LHX4: variants seen among roughly 807,000 people sequenced by gnomAD.
LHX4 encodes LIM homeobox 4, also known as LIM/homeobox protein Lhx4.
Under a neutral mutation model 39.2 loss-of-function variants are expected in LHX4, and 16 were observed. That is an observed-to-expected ratio of 0.41 (90% CI 0.28 to 0.62). LHX4 has a LOEUF of 0.62. LHX4 is among the 20% of genes least tolerant of loss of function. The probability of loss-of-function intolerance (pLI) is 0.33; values close to 1 mark genes in which losing one functional copy is unlikely to be tolerated. For missense variants in LHX4, 439 were observed against 511.9 expected, an observed-to-expected ratio of 0.86 and a Z score of 1.37; for synonymous variants, 206 against 198.1, an observed-to-expected ratio of 1.04 and a Z score of -0.33.
chr1:180,251,135 C>A (rs1321797971), intron 2 of LHX4, among the ~76,000 whole-genome samples: 1 of 152,252 alleles, frequency 6.6e-6, no homozygotes, highest in Non-Finnish European at 1.5e-5. Context: ...ACAGCCCAGG[C>A]CAGGGCCTGC....
chr1:180,258,533 G>T (rs1319473211), intron 2 of LHX4, among the ~76,000 whole-genome samples: 1 of 152,210 alleles, frequency 6.6e-6, no homozygotes, highest in African/African-American at 2.4e-5. Flanking sequence ...TGCCTGTAGG[G>T]GCATGGGCGG....
chr1:180,255,702 A>G (rs376671125), intron 2 of LHX4, among the ~76,000 whole-genome samples: 5 of 152,336 alleles, frequency 3.3e-5, no homozygotes, highest in South Asian at 4.1e-4. Context: ...GCTGTAAATC[A>G]GGAGGTGATG....
chr1:180,274,281 T>A lies in LHX4; in HGVS notation c.875T>A (p.Met292Lys), dbSNP rs780636436. ...GGQLMNGSFSMDGTGQSYQDL... is the reference protein window; with the variant it reads ...GGQLMNGSFSKDGTGQSYQDL... ...CAGTTAATGAATGGGAGCTTCTCCATGGACGGGACAGGACAATCCTATCAG... is the reference window on the plus strand; with the variant it reads ...CAGTTAATGAATGGGAGCTTCTCCAAGGACGGGACAGGACAATCCTATCAG... The change falls in exon 6 of 6, where the codon ATG (methionine) becomes AAG (lysine). Residue 292 changes from methionine (M) to lysine (K), a missense_variant. By Grantham distance (95) the Met-to-Lys change is moderately conservative. Coordinates refer to ENST00000263726, the MANE Select transcript of LHX4 (RefSeq NM_033343.4). 1.6e-5 allele frequency: 26 copies of A among 1,614,110 alleles called. No homozygotes were observed. The highest frequency in any genetic ancestry group is 2.2e-5 in the Non-Finnish European group (26 of 1,180,046).
chr1:180,241,804 G>GT (rs200045928), intron 1 of LHX4, among the ~76,000 whole-genome samples: 4,355 of 151,700 alleles, frequency 0.029, 199 homozygotes, highest in African/African-American at 0.098. Flanking sequence ...TTGTTTTTGT[G>GT]TTTTTTTTCT....
chr1:180,242,765 T>C (rs1057266971), intron 1 of LHX4, among the ~76,000 whole-genome samples: 2 of 152,178 alleles, frequency 1.3e-5, no homozygotes, highest in Non-Finnish European at 2.9e-5. Context: ...GCAGAGAGCA[T>C]CGTCACGAAA....
chr1:180,263,802 G>A (rs1483807485), intron 2 of LHX4, among the ~76,000 whole-genome samples: 1 of 152,178 alleles, frequency 6.6e-6, no homozygotes, highest in African/African-American at 2.4e-5. Context: ...TTTAGTGGGA[G>A]AGAGTGTGGC....
upstream of LHX4, among the ~76,000 whole-genome samples, chr1:180,229,917 G>A (rs1421851613): frequency 6.7e-6 from 1 of 148,364 alleles, no homozygotes; most frequent in Non-Finnish European, 1.5e-5. Context: ...TTTATACCCA[G>A]GGCGCGAGCC....
At chr1:180,237,125 TTCTG>T (rs920327428) in intron 1 of LHX4, among the ~76,000 whole-genome samples, 18 of 152,236 alleles carry the variant, frequency 1.2e-4, no homozygotes, top group African/African-American at 3.9e-4. Context: ...CCCCAATTTC[TTCTG>T]TCTATCCCTT....
intron 1 of LHX4, among the ~76,000 whole-genome samples, chr1:180,231,857 G>T (rs1438182632): frequency 6.6e-6 from 1 of 152,160 alleles, no homozygotes; most frequent in Non-Finnish European, 1.5e-5. Flanking sequence ...CCTTCGGAGG[G>T]CAGGCGTACC....
intron 4 of LHX4, 105 bp from the exon 5 acceptor site, chr1:180,271,730 C>T: frequency 1.5e-6 from 2 of 1,372,278 alleles, no homozygotes; most frequent in Admixed American, 1.7e-5. Flanking sequence ...GACCTGTGCT[C>T]CATTCAGGCT....
chr1:180,236,829 T>C (rs1332202142), intron 1 of LHX4, among the ~76,000 whole-genome samples: 1 of 152,202 alleles, frequency 6.6e-6, no homozygotes, highest in African/African-American at 2.4e-5. Context: ...TATTACCCAC[T>C]TTGAGAAACC....
rs1318020870 is a variant in LHX4 at position 180,266,368 on chromosome 1, A to G, written c.249-24A>G. The G allele has an allele frequency of 6.2e-7, 1 of 1,613,204 alleles. No individual in the cohort carries two copies. Among genetic ancestry groups the G allele is most frequent in the East Asian group, 2.2e-5 (1 of 44,860 alleles). ...AGATCCCTTGCTCCCTGTGTGCCCTAATCCTTTCCTGCTGCCCTGACAGGC... is the reference window on the plus strand; with the variant it reads ...AGATCCCTTGCTCCCTGTGTGCCCTGATCCTTTCCTGCTGCCCTGACAGGC... On this transcript the variant is annotated intron_variant, in intron 2 of 5. Coordinates refer to ENST00000263726, the MANE Select transcript of LHX4 (RefSeq NM_033343.4). This position sits in a 1 kb window ranked among gnomAD's most constrained non-coding sequence, Gnocchi z 5.7.
intron 1 of LHX4, among the ~76,000 whole-genome samples, chr1:180,233,940 C>A (rs913564944): frequency 2.6e-5 from 4 of 151,580 alleles, no homozygotes; most frequent in African/African-American, 9.7e-5. Context: ...GGGACTTCCT[C>A]TCCTGGGGCT....
intron 3 of LHX4, chr1:180,270,583 A>C (rs2278944): frequency 0.086 from 13,084 of 152,420 alleles, 589 homozygotes; most frequent in African/African-American, 0.11. Context: ...TTCACTCAAA[A>C]TCTGTCTAGG....
At chr1:180,269,031 TATA>T (rs1648462523) in intron 3 of LHX4, among the ~76,000 whole-genome samples, 3 of 152,182 alleles carry the variant, frequency 2.0e-5, no homozygotes, top group South Asian at 4.1e-4. Context: ...GCATTTTCAA[TATA>T]ATGAGGTTGC....
At chr1:180,270,467 C>G (rs1191207237) in intron 3 of LHX4, 1 of 152,210 alleles carries the variant, frequency 6.6e-6, no homozygotes, top group African/African-American at 2.4e-5. Context: ...GGAGAGGAAA[C>G]AAACCTTTAC....
At chr1:180,245,857 C>T (rs1171620304) in intron 1 of LHX4, among the ~76,000 whole-genome samples, 1 of 152,176 alleles carries the variant, frequency 6.6e-6, no homozygotes, top group African/African-American at 2.4e-5. Flanking sequence ...CCAGAATCCA[C>T]ATTCCCACCC....
At chr1:180,253,904 G>T (rs184506407) in intron 2 of LHX4, among the ~76,000 whole-genome samples, 2 of 152,312 alleles carry the variant, frequency 1.3e-5, no homozygotes, top group African/African-American at 2.4e-5. Context: ...CTCAGTTAGT[G>T]GGGGGTTAGC....
intron 1 of LHX4, among the ~76,000 whole-genome samples, chr1:180,236,397 C>T (rs1448293135): frequency 4.6e-5 from 7 of 152,202 alleles, no homozygotes; most frequent in Non-Finnish European, 8.8e-5. Context: ...AATGCCCTTT[C>T]ACTCTGCGTT....
Sources: allele counts gnomAD v4.1 joint callset (sites outside exome capture counted in the v4.1 genomes callset), GRCh38; gene constraint gnomAD v4.1.1; non-coding constraint Gnocchi (gnomAD v3.1); transcripts MANE v1.5; gene names NCBI Gene and HGNC (gene_info 2026-07-23, HGNC 2026-07-21).